The following AGAP1 variants were observed in gnomAD, a reference collection of about 807,000 sequenced individuals.
AGAP1 encodes arf-GAP with GTPase, ANK repeat and PH domain-containing protein 1.
In AGAP1, 29 loss-of-function variants were observed where a neutral mutation model predicts 105.3. The ratio of observed to expected loss-of-function variants is 0.28; its 90% confidence interval spans 0.21 to 0.38. AGAP1 has a LOEUF of 0.38. Ranked by LOEUF, AGAP1 falls within the 10% of genes least tolerant of loss-of-function variation. The probability of loss-of-function intolerance (pLI) is 1.00; values close to 1 mark genes in which losing one functional copy is unlikely to be tolerated. For synonymous variants in AGAP1, 509 were observed against 485.9 expected (o/e 1.05, Z -0.63); for missense variants, 998 against 1,165.1 (o/e 0.86, Z 2.09).
chr2:236,025,326 A>G (rs1273594813), intron 13 of AGAP1, among the ~76,000 whole-genome samples: 1 of 151,980 alleles, frequency 6.6e-6, no homozygotes, highest in Non-Finnish European at 1.5e-5. Flanking sequence ...GATGGGCCTC[A>G]CGCTGCCAAT....
intron 9 of AGAP1, among the ~76,000 whole-genome samples, chr2:235,822,350 G>T (rs1401197971): frequency 6.6e-6 from 1 of 152,180 alleles, no homozygotes; most frequent in Non-Finnish European, 1.5e-5. Flanking sequence ...AGAAGACCTG[G>T]GGAAACCTAG....
chr2:235,667,928 C>T (rs1987283), intron 1 of AGAP1, among the ~76,000 whole-genome samples: 37,213 of 143,188 alleles, frequency 0.26, 5,287 homozygotes, highest in African/African-American at 0.36. Flanking sequence ...ATTGAGCTCC[C>T]GACTGGGCAA....
intron 1 of AGAP1, among the ~76,000 whole-genome samples, chr2:235,674,396 G>A (rs758338874): frequency 4.6e-5 from 7 of 152,204 alleles, no homozygotes; most frequent in Non-Finnish European, 7.3e-5. Flanking sequence ...CCCTTGCAGC[G>A]CATGCTCTCT....
At chr2:236,071,122 TGC>T (rs2058484089) in intron 16 of AGAP1, among the ~76,000 whole-genome samples, 1 of 152,250 alleles carries the variant, frequency 6.6e-6, no homozygotes, top group African/African-American at 2.4e-5. Context: ...GGGAACCACC[TGC>T]CCAGTCGGGC....
chr2:235,687,061 C>T (rs567095206), intron 1 of AGAP1, among the ~76,000 whole-genome samples: 1 of 152,268 alleles, frequency 6.6e-6, no homozygotes, highest in African/African-American at 2.4e-5. Context: ...CATTTCTGCT[C>T]ACTTGACATG....
At chr2:235,512,001 T>TGA (rs1210637389) in intron 1 of AGAP1, among the ~76,000 whole-genome samples, 6 of 123,894 alleles carry the variant, frequency 4.8e-5, no homozygotes, top group South Asian at 6.3e-4. Flanking sequence ...TGTGAATGCG[T>TGA]GTGTGACTGT....
chr2:235,653,474 TAAAA>T (rs1227514555), intron 1 of AGAP1, among the ~76,000 whole-genome samples: 3 of 128,106 alleles, frequency 2.3e-5, no homozygotes, highest in Non-Finnish European at 3.3e-5. Flanking sequence ...CAAAAATAAA[TAAAA>T]TAAAATAAAA....
rs770080617 is a variant in AGAP1, at chr2:235,746,300, AC to A, written c.538+1462del. On this transcript the variant is annotated intron_variant, in intron 5 of 17. Coordinates refer to ENST00000304032, the MANE Select transcript of AGAP1 (RefSeq NM_001037131.3). ...GACTCCATCTCAAGGGAAAAAAAAA[AC>A]AAAACTATAAGTATCTTTTCAGTGT... 4.3e-4 allele frequency among the ~76,000 whole-genome samples: 65 copies of A among 150,042 alleles called. 1 individual carries two copies. The South Asian group carries it at 8.3e-3, about 19-fold the overall frequency.
intron 9 of AGAP1, among the ~76,000 whole-genome samples, chr2:235,811,181 A>C (rs889977543): frequency 6.6e-5 from 10 of 151,994 alleles, no homozygotes; most frequent in African/African-American, 2.4e-4. Context: ...TTTAATCTCT[A>C]TATTTGAGTA....
In AGAP1 at chr2:236,046,849, C is replaced by G. The variant is rs986690660; in HGVS notation, c.1892-2210C>G. ...ACCAAAAAGGTATCAGAAGTTAGCA[C>G]TGGCCCAGCACAGTGGCTCATGCCT... is the stretch of plus-strand genomic sequence containing the variant. On this transcript the variant is annotated intron_variant, in intron 15 of 17. Transcript: ENST00000304032. This position sits in a 1 kb window ranked among gnomAD's most constrained non-coding sequence, Gnocchi z 5.2. 2.0e-5 allele frequency among the ~76,000 whole-genome samples: 3 copies of G among 152,152 alleles called. No individual in the cohort carries two copies. Among genetic ancestry groups the G allele is most frequent in the Admixed American group, 6.5e-5 (1 of 15,288 alleles).
intron 1 of AGAP1, among the ~76,000 whole-genome samples, chr2:235,658,549 C>T (rs757802255): frequency 2.0e-5 from 3 of 152,006 alleles, no homozygotes; most frequent in African/African-American, 4.8e-5. Flanking sequence ...GCAGAGTGTC[C>T]GGGTGAGAGG....
In AGAP1 at chr2:235,750,264, A is replaced by C; in HGVS notation, c.539-90A>C. 1 of 1,552,258 alleles carries C rather than the reference A, an allele frequency of 6.4e-7. No homozygotes were observed. The highest frequency in any genetic ancestry group is 8.8e-7 in the Non-Finnish European group (1 of 1,130,046). ...AAACTAATTACATTTCTGCTGAGTAAGGTACTGGTTTTCCGTGTTGTGGGG... is the reference window on the plus strand; with the variant it reads ...AAACTAATTACATTTCTGCTGAGTACGGTACTGGTTTTCCGTGTTGTGGGG... On this transcript the variant is annotated intron_variant, in intron 5 of 17. Coordinates refer to ENST00000304032, the MANE Select transcript of AGAP1 (RefSeq NM_001037131.3). The surrounding 1 kb of genome is among the most constrained non-coding windows in gnomAD (Gnocchi z 5.3).
At chr2:235,826,554 A>AT (rs1206917007) in intron 9 of AGAP1, among the ~76,000 whole-genome samples, 1 of 151,626 alleles carries the variant, frequency 6.6e-6, no homozygotes, top group Admixed American at 6.6e-5. Flanking sequence ...GGTTCAAGTG[A>AT]TTCTCCTGCC....
intron 1 of AGAP1, among the ~76,000 whole-genome samples, chr2:235,618,903 T>G (rs1946388546): frequency 6.6e-6 from 1 of 152,176 alleles, no homozygotes; most frequent in Admixed American, 6.5e-5. Context: ...TTCTGGGCTA[T>G]CTGGGTGGAT....
chr2:235,680,124 T>A (rs1197745333), intron 1 of AGAP1, among the ~76,000 whole-genome samples: 1 of 152,228 alleles, frequency 6.6e-6, no homozygotes, highest in Non-Finnish European at 1.5e-5. Context: ...ATGCAGGAGA[T>A]CAGAGCACAG....
intron 16 of AGAP1, among the ~76,000 whole-genome samples, chr2:236,117,886 C>CT (rs2059808417): frequency 6.6e-6 from 1 of 151,998 alleles, no homozygotes; most frequent in African/African-American, 2.4e-5. Flanking sequence ...TGTTTTTGCC[C>CT]GAGTGGGGTG....
At position 235,737,380 on chromosome 2, in the gene AGAP1, C is replaced by T. The variant is rs1053957707; in HGVS notation, c.311-3583C>T. ...TCTGTATCTGCCGGGGGAATGTAAA[C>T]TGACTTTAGGATTCGAAGAGACCTT... On this transcript the variant is annotated intron_variant, in intron 3 of 17. Transcript: ENST00000304032. This position sits in a 1 kb window ranked among gnomAD's most constrained non-coding sequence, Gnocchi z 4.5. Among the ~76,000 whole-genome samples, 9 of 152,172 alleles carry T rather than the reference C, an allele frequency of 5.9e-5. No homozygotes were observed. The highest frequency in any genetic ancestry group is 1.3e-4 in the Admixed American group (2 of 15,280).
chr2:235,950,554 C>T (rs1299214212), intron 12 of AGAP1, among the ~76,000 whole-genome samples: 2 of 151,796 alleles, frequency 1.3e-5, no homozygotes, highest in African/African-American at 2.4e-5. Flanking sequence ...TAGTCACTGA[C>T]GATTTTAACC....
intron 1 of AGAP1, among the ~76,000 whole-genome samples, chr2:235,544,856 G>C (rs1943570802): frequency 6.6e-6 from 1 of 152,116 alleles, no homozygotes; most frequent in South Asian, 2.1e-4. Flanking sequence ...TGTTTCTGTT[G>C]GGTCACGTTG....
Sources: gnomAD v4.1 joint callset for allele counts (sites outside exome capture counted in the v4.1 genomes callset) on GRCh38, gnomAD v4.1.1 for gene constraint, Gnocchi (gnomAD v3.1) non-coding constraint, MANE v1.5 for transcripts, NCBI Gene and HGNC (gene_info 2026-07-23, HGNC 2026-07-21) for gene names.